Variants in NUP214 observed in about 807,000 individuals in gnomAD.
The protein encoded by NUP214 is nucleoporin 214, also known as nuclear pore complex protein Nup214.
Under a neutral mutation model 196.2 loss-of-function variants are expected in NUP214, and 79 were observed. The observed-to-expected ratio is 0.40, with a 90% CI of 0.34 to 0.49. The LOEUF (loss-of-function observed/expected upper bound fraction) is 0.49. NUP214 is among the 20% of genes least tolerant of loss of function. The pLI is 0.58. For synonymous variants in NUP214, 1,020 were observed against 990.5 expected (o/e 1.03, Z -0.56); for missense variants, 2,468 against 2,539.0 (o/e 0.97, Z 0.60).
intron 24 of NUP214, among the ~76,000 whole-genome samples, chr9:131,186,011 A>G (rs754073260): frequency 6.6e-6 from 1 of 152,232 alleles, no homozygotes; most frequent in Non-Finnish European, 1.5e-5. Context: ...AGAAAGCATG[A>G]AAGAGTTTCC....
At chr9:131,210,015 C>A (rs1488660097) in intron 30 of NUP214, among the ~76,000 whole-genome samples, 1 of 152,208 alleles carries the variant, frequency 6.6e-6, no homozygotes, top group Non-Finnish European at 1.5e-5. Flanking sequence ...ATCTGTGACT[C>A]TGTTCCAGAT....
intron 34 of NUP214, among the ~76,000 whole-genome samples, chr9:131,231,205 A>ATATT (rs1834867290): frequency 6.7e-6 from 1 of 150,370 alleles, no homozygotes; most frequent in East Asian, 1.9e-4. Context: ...ATATATATAT[A>ATATT]TTTTTGAGAC....
At position 131,174,190 on chromosome 9, in the gene NUP214, T is replaced by A. The variant is rs1314501175; in HGVS notation, c.3029T>A (p.Val1010Asp). Reference sequence around the variant, plus strand: ...TCCTGTAAAGATGACGAGGCAGTGGTTCAGGCCCCTCGGCACGCCCCCGTG... The same window carrying A: ...TCCTGTAAAGATGACGAGGCAGTGGATCAGGCCCCTCGGCACGCCCCCGTG... ...RTSCKDDEAV[V>D]QAPRHAPVVR... The change falls in exon 22 of 36, where the codon GTT (valine) becomes GAT (aspartate). Residue 1010 changes from valine (V) to aspartate (D), a missense_variant. Val to Asp is a radical substitution (Grantham distance 152). Transcript: ENST00000359428. The A allele has an allele frequency of 6.2e-7, 1 of 1,613,870 alleles. No homozygotes were observed. Among genetic ancestry groups the A allele is most frequent in the African/African-American group, 1.3e-5 (1 of 74,880 alleles).
At chr9:131,205,619 G>A (rs1468541042) in intron 30 of NUP214, among the ~76,000 whole-genome samples, 1 of 152,160 alleles carries the variant, frequency 6.6e-6, no homozygotes, top group African/African-American at 2.4e-5. Flanking sequence ...TAAATAAATT[G>A]TGGTATATTC....
intron 18 of NUP214, 43 bp downstream of exon 18, chr9:131,159,529 G>A: frequency 1.4e-6 from 2 of 1,443,442 alleles, no homozygotes; most frequent in Non-Finnish European, 1.9e-6. Context: ...AATAGATATT[G>A]CTATTGCCAT....
At chr9:131,130,867 T>C in intron 5 of NUP214, 31 bp downstream of exon 5, 4 of 1,598,420 alleles carry the variant, frequency 2.5e-6, no homozygotes, top group Non-Finnish European at 3.4e-6. Flanking sequence ...TCAGAATTTT[T>C]CTTAAGTTGC....
rs377135670 is a variant in NUP214, at chr9:131,223,739, T to A, written c.5902+809T>A. 3.8e-4 allele frequency among the ~76,000 whole-genome samples: 10 copies of A among 26,500 alleles called. 1 individual carries two copies. Among genetic ancestry groups the A allele is most frequent in the Non-Finnish European group, 5.5e-4 (7 of 12,672 alleles). The allele number at this position is 26,500 out of a possible 152,430, so 17.4% of individuals were successfully genotyped here. On this transcript the variant is annotated intron_variant, in intron 32 of 35. Coordinates refer to ENST00000359428, the MANE Select transcript of NUP214 (RefSeq NM_005085.4). ...TATTTATTTATTTATTTTTTTTTTT[T>A]TTTTTTTTTTTTTGAGACGGAGTCT...
intron 19 of NUP214, 151 bp from the exon 20 acceptor site, chr9:131,163,719 T>C (rs1035042159): frequency 1.3e-5 from 9 of 671,026 alleles, no homozygotes; most frequent in Non-Finnish European, 2.4e-5. Context: ...TCACTTCTTT[T>C]AGATTAATTC....
chr9:131,155,178 G>A (rs370094083), intron 17 of NUP214, among the ~76,000 whole-genome samples: 3 of 152,152 alleles, frequency 2.0e-5, no homozygotes, highest in South Asian at 2.1e-4. Flanking sequence ...TTTAAATTAC[G>A]GCCATTCTTG....
intron 32 of NUP214, 99 bp from the exon 33 acceptor site, chr9:131,228,061 T>C: frequency 8.2e-7 from 1 of 1,217,244 alleles, no homozygotes; most frequent in Non-Finnish European, 1.1e-6. Context: ...CCCTTTTTTC[T>C]TCCTATTTTG....
At chr9:131,138,295 T>C (rs1271119220) in intron 9 of NUP214, among the ~76,000 whole-genome samples, 3 of 137,420 alleles carry the variant, frequency 2.2e-5, no homozygotes, top group Non-Finnish European at 4.7e-5. Flanking sequence ...CTCGGCTCAC[T>C]GCAACCTCTG....
intron 30 of NUP214, among the ~76,000 whole-genome samples, chr9:131,203,794 G>C (rs759222027): frequency 6.6e-6 from 1 of 152,190 alleles, no homozygotes; most frequent in Non-Finnish European, 1.5e-5. Flanking sequence ...GGAAAATGGG[G>C]ACCTAGAGAA....
intron 21 of NUP214, chr9:131,164,703 G>A (rs908082687): frequency 6.6e-6 from 1 of 151,934 alleles, no homozygotes; most frequent in Non-Finnish European, 1.5e-5. Context: ...GCCGAAAAAG[G>A]CTTCTTTTAT....
rs754554801 is a variant in NUP214, at chr9:131,201,713, G to A, written c.5588G>A (p.Gly1863Asp). 2.5e-6 allele frequency: 4 copies of A among 1,613,530 alleles called. No individual in the cohort carries two copies. The highest frequency in any genetic ancestry group is 1.7e-5 in the Admixed American group (1 of 60,020). ...QAASTGGIVF[G>D]QQSSSSSGSV... is the part of the protein sequence containing the mutation. ...GCCAGTACTGGTGGAATAGTCTTTG[G>A]CCAGGTAAATATGCATTTGTCTTCA... is the stretch of plus-strand genomic sequence containing the variant. Residue 1863 changes from glycine to aspartate, a missense_variant, in exon 30 of 36, where the codon GGC becomes GAC. Physicochemically the swap from Gly to Asp is moderately conservative, Grantham distance 94. Coordinates refer to ENST00000359428, the MANE Select transcript of NUP214 (RefSeq NM_005085.4).
At position 131,215,284 on chromosome 9, in the gene NUP214, C is replaced by G; in HGVS notation, c.5665C>G (p.Leu1889Val). The change falls in exon 31 of 36, where the codon CTT (leucine) becomes GTT (valine). Residue 1889 changes from leucine (L) to valine (V), a missense_variant. Transcript: ENST00000359428. ...TGRGGGFFSG[L>V]GGKPSQDAAN... ...AAGAGGGGGAGGTTTCTTCAGTGGC[C>G]TTGGAGGAAAACCCAGTCAGGATGC... 6.2e-7 allele frequency: 1 copy of G among 1,609,502 alleles called. No individual in the cohort carries two copies. Among genetic ancestry groups the G allele is most frequent in the Non-Finnish European group, 8.5e-7 (1 of 1,177,868 alleles).
chr9:131,128,504 G>C (rs1471033708), intron 3 of NUP214, 21 bp downstream of exon 3: 1 of 1,586,076 alleles, frequency 6.3e-7, no homozygotes, highest in Non-Finnish European at 8.6e-7. Context: ...GTTATACTGT[G>C]ATGTCAACAT....
intron 22 of NUP214, 123 bp downstream of exon 22, chr9:131,174,441 T>C (rs1833048082): frequency 1.8e-6 from 1 of 541,716 alleles, no homozygotes; most frequent in Non-Finnish European, 2.6e-6. Context: ...ACTTTTTTTT[T>C]TTTTTCTTTT....
At chr9:131,141,137 C>G (rs1301572252) in intron 11 of NUP214, among the ~76,000 whole-genome samples, 1 of 129,310 alleles carries the variant, frequency 7.7e-6, no homozygotes, top group Non-Finnish European at 1.6e-5. Flanking sequence ...GAATACATCA[C>G]CAAAAAAAAA....
At chr9:131,189,260 G>C (rs1355565887) in intron 26 of NUP214, 129 bp downstream of exon 26, 1 of 747,060 alleles carries the variant, frequency 1.3e-6, no homozygotes, top group Non-Finnish European at 2.3e-6. Flanking sequence ...GAGCATTCAG[G>C]GTAGTATGAC....
Sources: gnomAD v4.1 joint callset for allele counts (sites outside exome capture counted in the v4.1 genomes callset) on GRCh38, gnomAD v4.1.1 for gene constraint, MANE v1.5 for transcripts, NCBI Gene and HGNC (gene_info 2026-07-23, HGNC 2026-07-21) for gene names.